Variants in ARHGAP24 observed in about 807,000 individuals in gnomAD.
ARHGAP24 encodes rho GTPase-activating protein 24.
ARHGAP24 carries 50 observed loss-of-function variants against 76.4 expected under a neutral mutation model. The ratio of observed to expected loss-of-function variants is 0.65; its 90% CI spans 0.52 to 0.83. ARHGAP24 has a LOEUF of 0.83. Among genes scored for constraint, ARHGAP24 ranks in the 40% least tolerant of loss-of-function variants. The pLI is 0.00. For missense variants in ARHGAP24, 930 were observed against 914.2 expected, an observed-to-expected ratio of 1.02 and a Z score of -0.22; for synonymous variants, 345 against 323.3, an observed-to-expected ratio of 1.07 and a Z score of -0.72.
At chr4:85,970,744 C>T (rs1464146236) in intron 5 of ARHGAP24, among the ~76,000 whole-genome samples, 1 of 152,142 alleles carries the variant, frequency 6.6e-6, no homozygotes, top group African/African-American at 2.4e-5. Context: ...TCATTTCCTG[C>T]AGCACAGCTT....
chr4:85,725,746 CA>C (rs1725144757), intron 3 of ARHGAP24, among the ~76,000 whole-genome samples: 1 of 152,228 alleles, frequency 6.6e-6, no homozygotes, highest in African/African-American at 2.4e-5. Flanking sequence ...CGAAAGGCCT[CA>C]AAGGCCAGCT....
rs72974985 is a variant in ARHGAP24, at chr4:85,732,674, A to C, written c.268+10702A>C. 7.2e-3 allele frequency among the ~76,000 whole-genome samples: 1,076 copies of C among 148,900 alleles called. 16 individuals carry two copies. The highest frequency in any genetic ancestry group is 0.024 in the African/African-American group (976 of 40,814). On this transcript the variant is annotated intron_variant, in intron 3 of 9. Transcript: ENST00000395184. The stretch of plus-strand genomic sequence containing the variant: ...TATTTATATTTCAAACATAGGATTA[A>C]TAAACAAAAATTCAAACTTCTTTTT...
chr4:85,487,408 A>T (rs1277926371), intron 1 of ARHGAP24, among the ~76,000 whole-genome samples: 85 of 111,410 alleles, frequency 7.6e-4, no homozygotes, highest in Admixed American at 1.5e-3. Flanking sequence ...GTAAATATAT[A>T]TTTATTATAT....
At chr4:85,658,366 A>C (rs1426264475) in intron 2 of ARHGAP24, among the ~76,000 whole-genome samples, 1 of 152,144 alleles carries the variant, frequency 6.6e-6, no homozygotes, top group Non-Finnish European at 1.5e-5. Context: ...TTTCATAAAA[A>C]CCAATTAAAA....
rs1468187150 is a variant in ARHGAP24, at chr4:85,475,261, C to T, written c.-319C>T. On this transcript the variant is annotated 5_prime_UTR_variant, in exon 1 of 10. Transcript: ENST00000395184. Reference sequence around the variant, plus strand: ...CAGGGCTCTGGAGGGGCTCGGAGACCAGGGGAGCTGTCAAGGCTGCGGCGG... The same window carrying T: ...CAGGGCTCTGGAGGGGCTCGGAGACTAGGGGAGCTGTCAAGGCTGCGGCGG... The T allele has an allele frequency of 1.3e-5, 2 of 152,304 alleles. No homozygotes were observed. Among genetic ancestry groups the T allele is most frequent in the African/African-American group, 2.4e-5 (1 of 41,460 alleles). The allele number at this position is 152,304 out of a possible 1,614,324, so 9.4% of individuals were successfully genotyped here.
chr4:85,628,162 C>T lies in ARHGAP24; in HGVS notation c.180+57441C>T, dbSNP rs368471568. On this transcript the variant is annotated intron_variant, in intron 2 of 9. Coordinates refer to ENST00000395184, the MANE Select transcript of ARHGAP24 (RefSeq NM_001025616.3). ...AAATGCAGAAATCACCCATCTTCTG[C>T]GTCGCTCACACTGGGAGCTATAGAC... is the stretch of plus-strand genomic sequence containing the variant. Among the ~76,000 whole-genome samples the T allele has an allele frequency of 3.0e-4, 46 of 152,280 alleles. No individual in the cohort carries two copies. The East Asian group carries it at 5.8e-3, about 19-fold the overall frequency.
chr4:85,632,311 C>T (rs1159277932), intron 2 of ARHGAP24, among the ~76,000 whole-genome samples: 1 of 152,060 alleles, frequency 6.6e-6, no homozygotes, highest in Non-Finnish European at 1.5e-5. Context: ...GCTTCTGCCA[C>T]ACATAAAGCC....
At chr4:85,624,577 G>T (rs1311475641) in intron 2 of ARHGAP24, among the ~76,000 whole-genome samples, 2 of 152,174 alleles carry the variant, frequency 1.3e-5, no homozygotes, top group Admixed American at 6.5e-5. Flanking sequence ...CCCAGCTTTG[G>T]TATCAGGATG....
intron 2 of ARHGAP24, among the ~76,000 whole-genome samples, chr4:85,676,233 A>G (rs925834060): frequency 2.6e-5 from 4 of 152,184 alleles, no homozygotes; most frequent in Non-Finnish European, 4.4e-5. Context: ...CATAGAATAC[A>G]CACACTGGGC....
At position 85,587,917 on chromosome 4, in the gene ARHGAP24, G is replaced by A. The variant is rs538049231; in HGVS notation, c.180+17196G>A. The stretch of plus-strand genomic sequence containing the variant: ...AGTAACCTACTATGAGGAAAATAGA[G>A]AACTAGACAGACAATACTGGTGCAG... On this transcript the variant is annotated intron_variant, in intron 2 of 9. Transcript: ENST00000395184. Among the ~76,000 whole-genome samples, 10 of 152,284 alleles carry A rather than the reference G, an allele frequency of 6.6e-5. No homozygotes were observed. The East Asian group carries it at 1.3e-3, about 21-fold the overall frequency.
intron 5 of ARHGAP24, among the ~76,000 whole-genome samples, chr4:85,964,526 C>T (rs1268416165): frequency 1.3e-5 from 2 of 151,724 alleles, no homozygotes; most frequent in Non-Finnish European, 2.9e-5. Flanking sequence ...TAGAGGCCAG[C>T]AGAGGAAGAA....
At chr4:85,704,662 CTT>C (rs1258864079) in intron 2 of ARHGAP24, among the ~76,000 whole-genome samples, 2 of 152,084 alleles carry the variant, frequency 1.3e-5, no homozygotes, top group East Asian at 3.8e-4. Context: ...TTTTTAACAA[CTT>C]AGTAATAAGT....
intron 2 of ARHGAP24, among the ~76,000 whole-genome samples, chr4:85,708,076 C>T (rs1394790917): frequency 6.6e-6 from 1 of 152,012 alleles, no homozygotes; most frequent in Non-Finnish European, 1.5e-5. Flanking sequence ...AGAAAATCTC[C>T]CTGCAAAATG....
chr4:85,894,080 C>T (rs1228526798), intron 3 of ARHGAP24, among the ~76,000 whole-genome samples: 2 of 115,198 alleles, frequency 1.7e-5, no homozygotes, highest in East Asian at 4.8e-4. Flanking sequence ...GCACATGTAC[C>T]CTAAAACTTA....
chr4:85,746,518 C>T (rs1405754238), intron 3 of ARHGAP24, among the ~76,000 whole-genome samples: 1 of 151,956 alleles, frequency 6.6e-6, no homozygotes, highest in Non-Finnish European at 1.5e-5. Context: ...TTTTTTTTAA[C>T]ATTCATGTCA....
Position 85,995,067 on chromosome 4 carries a change from A to C in ARHGAP24, c.1413A>C (p.Lys471Asn), listed in dbSNP as rs746531723. ...RSSSLKVSGT[K>N]MGTHSVQNGT... ...CTTCACTGAAGGTATCTGGTACCAAAATGGGCACGCACAGTGTACAGAATG... is the reference window on the plus strand; with the variant it reads ...CTTCACTGAAGGTATCTGGTACCAACATGGGCACGCACAGTGTACAGAATG... The change falls in exon 9 of 10, where the codon AAA (lysine) becomes AAC (asparagine). Residue 471 changes from lysine (K) to asparagine (N), a missense_variant. By Grantham distance (94) the Lys-to-Asn change is moderately conservative. Coordinates refer to ENST00000395184, the MANE Select transcript of ARHGAP24 (RefSeq NM_001025616.3). 6.2e-7 allele frequency: 1 copy of C among 1,614,068 alleles called. No homozygotes were observed. Among genetic ancestry groups the C allele is most frequent in the Admixed American group, 1.7e-5 (1 of 60,012 alleles).
chr4:85,894,099 T>TAAAAAAAAA (rs11394803), intron 3 of ARHGAP24, among the ~76,000 whole-genome samples: 3 of 131,236 alleles, frequency 2.3e-5, no homozygotes, highest in Non-Finnish European at 3.2e-5. Context: ...TAGAGTATAA[T>TAAAAAAAAA]AAAAAAAAAA....
chr4:85,825,626 A>ATT (rs1373552242), intron 3 of ARHGAP24, among the ~76,000 whole-genome samples: 1 of 152,216 alleles, frequency 6.6e-6, no homozygotes, highest in Non-Finnish European at 1.5e-5. Flanking sequence ...TTGAAAAACA[A>ATT]GCAGGACCCA....
chr4:85,726,845 GCACAGAGAAGTAA>G (rs1725186505), intron 3 of ARHGAP24, among the ~76,000 whole-genome samples: 1 of 152,150 alleles, frequency 6.6e-6, no homozygotes, highest in African/African-American at 2.4e-5. Flanking sequence ...CAGATCTGAG[GCACAGAGAAGTAA>G]TTTGATCCAG....
Sources: gnomAD v4.1 joint callset for allele counts (sites outside exome capture counted in the v4.1 genomes callset) on GRCh38, gnomAD v4.1.1 for gene constraint, MANE v1.5 for transcripts, NCBI Gene and HGNC (gene_info 2026-07-23, HGNC 2026-07-21) for gene names.